Variants in EHF observed in about 807,000 individuals in gnomAD.
The protein encoded by EHF is ETS homologous factor.
In EHF, 14 loss-of-function variants were observed where a neutral mutation model predicts 45.1. The observed-to-expected ratio is 0.31, with a 90% CI of 0.21 to 0.49. The LOEUF (loss-of-function observed/expected upper bound fraction) is 0.49, where lower values mean the gene tolerates loss of function less well. Among genes scored for constraint, EHF ranks in the 20% least tolerant of loss-of-function variants. The pLI is 0.99. For synonymous variants in EHF, 136 were observed against 131.8 expected, an observed-to-expected ratio of 1.03 and a Z score of -0.22; for missense variants, 282 against 371.4, an observed-to-expected ratio of 0.76 and a Z score of 1.98.
At position 34,662,600 on chromosome 11, in the gene EHF, TACTG is replaced by T. The variant is rs2134261992; in HGVS notation, c.*3671_*3674del. Among the ~76,000 whole-genome samples the T allele has an allele frequency of 6.6e-6, 1 of 152,236 alleles. No individual in the cohort carries two copies. The highest frequency in any genetic ancestry group is 1.9e-4 in the East Asian group (1 of 5,188). ...TATTATTTTTTTCCTTTTTGAAAAA[TACTG>T]AGGGATCTTTTGATAAAGTTAGTAA... On this transcript the variant is annotated 3_prime_UTR_variant, in exon 9 of 9. Transcript: ENST00000257831.
At chr11:34,622,174 T>C (rs286921) in intron 1 of EHF, 175,360 of 212,590 alleles carry the variant, frequency 0.82, 73,166 homozygotes, top group Admixed American at 0.86. Flanking sequence ...TTCTTGTTGG[T>C]AAATATCAGG....
chr11:34,650,332 T>C (rs1855021716), intron 4 of EHF, among the ~76,000 whole-genome samples: 1 of 152,150 alleles, frequency 6.6e-6, no homozygotes, highest in Non-Finnish European at 1.5e-5. Context: ...CCATACCTCT[T>C]TGGTTCAGTT....
intron 1 of EHF, among the ~76,000 whole-genome samples, chr11:34,623,456 C>T (rs1346294909): frequency 1.3e-5 from 2 of 152,038 alleles, no homozygotes; most frequent in South Asian, 2.1e-4. Context: ...CCTTTGTGGA[C>T]GTCAGGAAAG....
chr11:34,632,582 G>T, intron 1 of EHF: 2 of 1,535,594 alleles, frequency 1.3e-6, no homozygotes, highest in Non-Finnish European at 1.7e-6. Context: ...TTCTGTGAAG[G>T]CAAGGGCATG....
intron 1 of EHF, among the ~76,000 whole-genome samples, chr11:34,634,777 T>C (rs1324228290): frequency 3.9e-5 from 6 of 152,318 alleles, no homozygotes; most frequent in Non-Finnish European, 1.5e-5. Flanking sequence ...TATATTTGTA[T>C]ATAAGCTTGA....
At position 34,659,963 on chromosome 11, in the gene EHF, G is replaced by A. The variant is rs1355133470; in HGVS notation, c.*1032G>A. The A allele has an allele frequency of 1.3e-5, 2 of 152,246 alleles. No homozygotes were observed. The allele number at this position is 152,246 out of a possible 1,614,324, so 9.4% of individuals were successfully genotyped here. On this transcript the variant is annotated 3_prime_UTR_variant, in exon 9 of 9. Coordinates refer to ENST00000257831, the MANE Select transcript of EHF (RefSeq NM_012153.6). ...AAAATGTCTCTAGACATCACCAAAT[G>A]TTCCCTGGGGGTGGCAAATTTGCCC... is the stretch of plus-strand genomic sequence containing the variant.
chr11:34,631,555 C>T (rs1002862455), intron 1 of EHF: 3 of 984,192 alleles, frequency 3.0e-6, no homozygotes, highest in Non-Finnish European at 3.6e-6. Flanking sequence ...ACATCTCAGG[C>T]CCTTTCCACC....
At chr11:34,645,426 G>A (rs916853918) in intron 2 of EHF, among the ~76,000 whole-genome samples, 2 of 152,040 alleles carry the variant, frequency 1.3e-5, no homozygotes, top group African/African-American at 4.8e-5. Context: ...ATAAATATAT[G>A]GTGAGCATCT....
chr11:34,647,699 C>T (rs960631545), intron 3 of EHF, among the ~76,000 whole-genome samples: 2 of 152,224 alleles, frequency 1.3e-5, no homozygotes, highest in African/African-American at 4.8e-5. Flanking sequence ...CTGGCAACAG[C>T]CATCAACACT....
chr11:34,634,659 A>G lies in EHF; in HGVS notation c.-3-7969A>G, dbSNP rs143511455. 5.0e-3 allele frequency among the ~76,000 whole-genome samples: 763 copies of G among 152,338 alleles called. 10 individuals are homozygous for G. Among genetic ancestry groups the G allele is most frequent in the African/African-American group, 0.017 (727 of 41,588 alleles). ...GGTAAAGCATAAACAATTATGGACCAGTCGATTTCCCAAATACAAAATTAA... is the reference window on the plus strand; with the variant it reads ...GGTAAAGCATAAACAATTATGGACCGGTCGATTTCCCAAATACAAAATTAA... On this transcript the variant is annotated intron_variant, in intron 1 of 8. Coordinates refer to ENST00000257831, the MANE Select transcript of EHF (RefSeq NM_012153.6).
At chr11:34,656,756 A>T (rs1424737603) in intron 6 of EHF, 152 bp from the exon 7 acceptor site, 3 of 750,894 alleles carry the variant, frequency 4.0e-6, no homozygotes, top group Non-Finnish European at 6.3e-6. Context: ...AGCATTTATC[A>T]TCTCTGTTTT....
Position 34,651,488 on chromosome 11 carries a change from C to A in EHF, c.407-54C>A. On this transcript the variant is annotated intron_variant, in intron 4 of 8. Transcript: ENST00000257831. ...AACAATGAATTAGAAAACGCAGCCT[C>A]TTCTCCCTGGGGAAAAGAGATCGCT... The A allele has an allele frequency of 1.5e-5, 23 of 1,496,276 alleles. No individual in the cohort carries two copies. The South Asian group carries it at 2.6e-4, about 17-fold the overall frequency. 92.7% of individuals were successfully genotyped at this position (1,496,276 alleles called of 1,614,324 possible). A position where few individuals can be genotyped will look rare whatever the true frequency, so the allele number is the denominator to read the frequency against.
intron 1 of EHF, among the ~76,000 whole-genome samples, chr11:34,636,029 C>T (rs1213400763): frequency 1.3e-5 from 2 of 152,162 alleles, no homozygotes; most frequent in Admixed American, 1.3e-4. Context: ...CTGTGCCAGT[C>T]AGCCAGAACT....
intron 1 of EHF, among the ~76,000 whole-genome samples, chr11:34,630,938 C>A (rs286915): frequency 0.93 from 141,081 of 152,208 alleles, 65,512 homozygotes; most frequent in Non-Finnish European, 0.95. Context: ...GCCCGGAGAA[C>A]ACTGGGGCAA....
chr11:34,642,719 C>T lies in EHF; in HGVS notation c.89C>T (p.Thr30Met), dbSNP rs142958059. 6.2e-5 allele frequency: 100 copies of T among 1,613,612 alleles called. No homozygotes were observed. In the African/African-American group the frequency reaches 1.1e-3, roughly 18 times the overall value. The change falls in exon 2 of 9, where the codon ACG becomes ATG. Residue 30 changes from threonine (T) to methionine (M), a missense_variant. This residue lies in a region of EHF where 213 missense variants were observed against 247.3 expected (regional missense o/e 0.86). Coordinates refer to ENST00000257831, the MANE Select transcript of EHF (RefSeq NM_012153.6). ...CCAGCCTGGACAGACAGCTACTCCACGTGCAATGGTAAGAGGGCCTGTGGG... is the reference window on the plus strand; with the variant it reads ...CCAGCCTGGACAGACAGCTACTCCATGTGCAATGGTAAGAGGGCCTGTGGG... Reference protein sequence around the residue: ...QPPAWTDSYSTCNVSSGFFGG... With the variant: ...QPPAWTDSYSMCNVSSGFFGG...
At chr11:34,632,484 C>T (rs1852981573) in intron 1 of EHF, 1 of 1,528,640 alleles carries the variant, frequency 6.5e-7, no homozygotes, top group East Asian at 2.5e-5. Context: ...TTTATTCTGC[C>T]CTGAGTGGAG....
chr11:34,635,226 C>T (rs1402281510), intron 1 of EHF, among the ~76,000 whole-genome samples: 1 of 152,126 alleles, frequency 6.6e-6, no homozygotes, highest in Admixed American at 6.5e-5. Context: ...CTCCCTCCAG[C>T]TGAGCAGGCC....
rs1458026032 is a variant in EHF at position 34,646,622 on chromosome 11, C to T, written c.281C>T (p.Thr94Ile). ...HLCSMSLQEFTRAAGTAGQLL... is the reference protein window; with the variant it reads ...HLCSMSLQEFIRAAGTAGQLL... ...TGCAGCATGAGTTTGCAGGAGTTCACCCGGGCGGCAGGGACGGCGGGGCAG... is the reference window on the plus strand; with the variant it reads ...TGCAGCATGAGTTTGCAGGAGTTCATCCGGGCGGCAGGGACGGCGGGGCAG... Residue 94 changes from threonine to isoleucine, a missense_variant, in exon 3 of 9, where the codon ACC (threonine) becomes ATC (isoleucine). By Grantham distance (89) the Thr-to-Ile change is moderately conservative. This residue lies in a region of EHF where 213 missense variants were observed against 247.3 expected (regional missense o/e 0.86). Transcript: ENST00000257831. 2 of 1,613,608 alleles carry T rather than the reference C, an allele frequency of 1.2e-6. No individual in the cohort carries two copies. Among genetic ancestry groups the T allele is most frequent in the African/African-American group, 1.3e-5 (1 of 74,876 alleles).
rs141336422 is a variant in EHF, at chr11:34,658,568, G to A, written c.643G>A (p.Asp215Asn). The A allele has an allele frequency of 4.3e-6, 7 of 1,613,290 alleles. No individual in the cohort carries two copies. The highest frequency in any genetic ancestry group is 5.9e-6 in the Non-Finnish European group (7 of 1,179,640). ...GACTCACTTATGGGAATTCATCCGCGACATCCTCTTGAACCCAGACAAGAA... is the reference window on the plus strand; with the variant it reads ...GACTCACTTATGGGAATTCATCCGCAACATCCTCTTGAACCCAGACAAGAA... ...RGTHLWEFIRDILLNPDKNPG... is the reference protein window; with the variant it reads ...RGTHLWEFIRNILLNPDKNPG... Residue 215 changes from aspartate to asparagine, a missense_variant, in exon 8 of 9, where the codon GAC becomes AAC. By Grantham distance (23) the Asp-to-Asn change is conservative. Around this residue, in one of 3 missense-constraint regions of EHF, gnomAD observed 41 missense variants for 87.0 expected, o/e 0.47. Transcript: ENST00000257831.
Sources: gnomAD v4.1 joint callset for allele counts (sites outside exome capture counted in the v4.1 genomes callset) on GRCh38, gnomAD v4.1.1 for gene constraint, gnomAD v4.1.1 regional missense constraint, MANE v1.5 for transcripts, NCBI Gene and HGNC (gene_info 2026-07-23, HGNC 2026-07-21) for gene names.